TBX15: variants seen among roughly 807,000 people sequenced by gnomAD.
TBX15 encodes the protein T-box transcription factor TBX15.
In TBX15, 18 loss-of-function variants were observed where a neutral mutation model predicts 53.9. The ratio of observed to expected loss-of-function variants is 0.33; its 90% confidence interval spans 0.23 to 0.49. The LOEUF is 0.49. TBX15 is among the 20% of genes least tolerant of loss of function. The pLI is 0.98. For missense variants in TBX15, 692 were observed against 749.5 expected (o/e 0.92, Z 0.90); for synonymous variants, 295 against 278.0 (o/e 1.06, Z -0.61).
rs771179864 is a variant in TBX15 at position 118,923,548 on chromosome 1, T to A, written c.749A>T (p.Asp250Val). Residue 250 changes from aspartate to valine, a missense_variant, in exon 5 of 8, where the codon GAC becomes GTC. Coordinates refer to ENST00000369429, the MANE Select transcript of TBX15 (RefSeq NM_001330677.2). ...YQPRVHVIRK[D>V]FSSDLSPTKP... Reference sequence around the variant, plus strand: ...AGTGGGTGAAAGGTCACTGCTGAAGTCTTTGCGAATCACATGAACTCGAGG... The same window carrying A: ...AGTGGGTGAAAGGTCACTGCTGAAGACTTTGCGAATCACATGAACTCGAGG... 9.9e-6 allele frequency: 16 copies of A among 1,613,860 alleles called. No individual in the cohort carries two copies. Among genetic ancestry groups the A allele is most frequent in the African/African-American group, 1.3e-5 (1 of 74,900 alleles).
At chr1:118,911,048 A>G (rs1012344697) in intron 6 of TBX15, among the ~76,000 whole-genome samples, 5 of 152,340 alleles carry the variant, frequency 3.3e-5, no homozygotes, top group South Asian at 4.1e-4. Flanking sequence ...TGTTCTCAAT[A>G]TCTGTTGAAG....
intron 5 of TBX15, among the ~76,000 whole-genome samples, chr1:118,918,115 G>C (rs995059222): frequency 2.0e-5 from 3 of 152,176 alleles, no homozygotes; most frequent in African/African-American, 4.8e-5. Context: ...TCTCCTGAGA[G>C]AGATCTTCTC....
intron 6 of TBX15, among the ~76,000 whole-genome samples, chr1:118,906,732 G>A (rs1046939126): frequency 2.6e-5 from 4 of 152,100 alleles, no homozygotes; most frequent in African/African-American, 9.7e-5. Flanking sequence ...GTAATGCAGT[G>A]AGTGGCACCA....
chr1:118,928,778 T>C (rs1655685225), intron 2 of TBX15, among the ~76,000 whole-genome samples: 1 of 152,224 alleles, frequency 6.6e-6, no homozygotes, highest in East Asian at 1.9e-4. Context: ...AACCATTATA[T>C]GACCTTTAAT....
At chr1:118,973,767 C>T (rs905595165) in intron 1 of TBX15, among the ~76,000 whole-genome samples, 1 of 152,122 alleles carries the variant, frequency 6.6e-6, no homozygotes, top group Non-Finnish European at 1.5e-5. Flanking sequence ...CACTCCCCTA[C>T]ACACATACAC....
chr1:118,895,841 G>A (rs1028006572), intron 7 of TBX15, among the ~76,000 whole-genome samples: 5 of 152,140 alleles, frequency 3.3e-5, no homozygotes, highest in African/African-American at 1.2e-4. Context: ...AATCTTTGTG[G>A]AAAATTAAAG....
At position 118,931,810 on chromosome 1, in the gene TBX15, T is replaced by C. The variant is rs771561300; in HGVS notation, c.228A>G (p.Ser76=). ...PHPDSEQSTG[S]DSEVLTERTS... is the part of the protein sequence containing the mutation. ...TCCGCTCAGTGAGGACCTCAGAATC[T>C]GAACCAGTGCTCTGCTCAGAATCTG... Residue 76 remains serine (S), a synonymous_variant, in exon 2 of 8, where the codon TCA becomes TCG. Coordinates refer to ENST00000369429, the MANE Select transcript of TBX15 (RefSeq NM_001330677.2). 5.7e-6 allele frequency: 9 copies of C among 1,587,366 alleles called. No individual in the cohort carries two copies. In the South Asian group the frequency reaches 6.8e-5, roughly 12 times the overall value.
At chr1:118,906,271 T>C (rs939185577) in intron 6 of TBX15, among the ~76,000 whole-genome samples, 4 of 152,158 alleles carry the variant, frequency 2.6e-5, no homozygotes, top group African/African-American at 9.7e-5. Context: ...ATAGATAAGA[T>C]TTGAGTTACT....
chr1:118,984,709 A>G (rs1415073416), intron 1 of TBX15, among the ~76,000 whole-genome samples: 1 of 152,154 alleles, frequency 6.6e-6, no homozygotes, highest in Admixed American at 6.5e-5. Flanking sequence ...CAGTGAGGGT[A>G]CCTCACAGAC....
At chr1:118,922,679 T>C (rs1655461627) in intron 5 of TBX15, among the ~76,000 whole-genome samples, 1 of 152,208 alleles carries the variant, frequency 6.6e-6, no homozygotes, top group African/African-American at 2.4e-5. Flanking sequence ...ATGAGTAGAA[T>C]GTACTCATGT....
intron 2 of TBX15, among the ~76,000 whole-genome samples, chr1:118,926,830 C>T (rs574949031): frequency 6.6e-6 from 1 of 151,984 alleles, no homozygotes; most frequent in Non-Finnish European, 1.5e-5. Context: ...CTTAGCCTCC[C>T]GAGTAGCTGG....
intron 1 of TBX15, among the ~76,000 whole-genome samples, chr1:118,951,309 A>G (rs1200313665): frequency 6.6e-6 from 1 of 152,232 alleles, no homozygotes; most frequent in Non-Finnish European, 1.5e-5. Context: ...TCAGCATTCT[A>G]AATTCTTGGG....
intron 1 of TBX15, among the ~76,000 whole-genome samples, chr1:118,971,487 G>A (rs756136317): frequency 1.5e-4 from 23 of 152,186 alleles, no homozygotes; most frequent in Non-Finnish European, 2.4e-4. Flanking sequence ...GTGCCAACAG[G>A]AATTCAAAGA....
At chr1:118,977,132 T>C (rs1412600998) in intron 1 of TBX15, among the ~76,000 whole-genome samples, 3 of 152,160 alleles carry the variant, frequency 2.0e-5, no homozygotes, top group African/African-American at 7.2e-5. Context: ...CTAGCAAGTG[T>C]TAAAACCAGG....
intron 1 of TBX15, among the ~76,000 whole-genome samples, chr1:118,936,701 G>T (rs1342623531): frequency 2.0e-5 from 3 of 152,076 alleles, no homozygotes; most frequent in African/African-American, 7.2e-5. Flanking sequence ...TATTTGTCAG[G>T]CACTCTGCCA....
At chr1:118,954,625 T>C (rs1656618379) in intron 1 of TBX15, among the ~76,000 whole-genome samples, 1 of 152,212 alleles carries the variant, frequency 6.6e-6, no homozygotes, top group Admixed American at 6.5e-5. Context: ...ACCATATGTG[T>C]GTGGAGAGAT....
chr1:118,923,490 C>T lies in TBX15; in HGVS notation c.807G>A (p.Thr269=), dbSNP rs199654302. 4.3e-6 allele frequency: 7 copies of T among 1,613,958 alleles called. No individual in the cohort carries two copies. Among genetic ancestry groups the T allele is most frequent in the East Asian group, 2.2e-5 (1 of 44,850 alleles). ...TGAACACAGTCTCAGGAAAGTTGAACGTTTTCACCCCATCCCCAACAGGAA... is the reference window on the plus strand; with the variant it reads ...TGAACACAGTCTCAGGAAAGTTGAATGTTTTCACCCCATCCCCAACAGGAA... ...KPVPVGDGVK[T]FNFPETVFTT... is the part of the protein sequence containing the mutation. Residue 269 remains threonine, a synonymous_variant, in exon 5 of 8, where the codon ACG becomes ACA. Transcript: ENST00000369429.
In TBX15 at chr1:118,900,499, G is replaced by A. The variant is rs148171347; in HGVS notation, c.927-1374C>T. Among the ~76,000 whole-genome samples the A allele has an allele frequency of 1.6e-3, 237 of 152,250 alleles. 1 individual carries two copies. Among genetic ancestry groups the A allele is most frequent in the African/African-American group, 5.4e-3 (224 of 41,542 alleles). ...GTTGGAAAATTTCCTCTCTGAACAG[G>A]CCTCACTTGCACAGTTAACTTTCTA... On this transcript the variant is annotated intron_variant, in intron 6 of 7. Transcript: ENST00000369429.
At chr1:118,974,943 A>T (rs1483033156) in intron 1 of TBX15, among the ~76,000 whole-genome samples, 1 of 152,222 alleles carries the variant, frequency 6.6e-6, no homozygotes, top group African/African-American at 2.4e-5. Context: ...GTTTGAAAAA[A>T]GTCAACAGTA....
Sources: gnomAD v4.1 joint callset for allele counts (sites outside exome capture counted in the v4.1 genomes callset) on GRCh38, gnomAD v4.1.1 for gene constraint, MANE v1.5 for transcripts, NCBI Gene and HGNC (gene_info 2026-07-23, HGNC 2026-07-21) for gene names.